ALG6: variants seen among roughly 807,000 people sequenced by gnomAD.
ALG6 encodes dolichyl pyrophosphate Man9GlcNAc2 alpha-1,3-glucosyltransferase.
Under a neutral mutation model 66.6 loss-of-function variants are expected in ALG6, and 46 were observed. That is an observed-to-expected ratio of 0.69 (90% CI 0.55 to 0.88). The LOEUF (loss-of-function observed/expected upper bound fraction) is 0.88. Among genes scored for constraint, ALG6 ranks in the 40% least tolerant of loss-of-function variants. The probability of loss-of-function intolerance (pLI) is 0.00; values close to 1 mark genes in which losing one functional copy is unlikely to be tolerated. For synonymous variants in ALG6, 185 were observed against 203.7 expected, an observed-to-expected ratio of 0.91 and a Z score of 0.78; for missense variants, 505 against 586.8, an observed-to-expected ratio of 0.86 and a Z score of 1.44.
At chr1:63,377,142 A>G (rs760053621) in intron 2 of ALG6, among the ~76,000 whole-genome samples, 1 of 151,876 alleles carries the variant, frequency 6.6e-6, no homozygotes, top group Non-Finnish European at 1.5e-5. Flanking sequence ...TTGCATTTTT[A>G]GTAGAGACGG....
chr1:63,435,758 G>A (rs545794958), intron 14 of ALG6, among the ~76,000 whole-genome samples: 25 of 151,196 alleles, frequency 1.7e-4, no homozygotes, highest in Non-Finnish European at 2.8e-4. Flanking sequence ...TAAAAATTCT[G>A]TTCCTCAGTC....
chr1:63,368,961 C>T (rs551433429), intron 1 of ALG6, among the ~76,000 whole-genome samples: 1 of 152,112 alleles, frequency 6.6e-6, no homozygotes, highest in Non-Finnish European at 1.5e-5. Context: ...CTCTGGGCAC[C>T]CCTCCCAACC....
intron 12 of ALG6, among the ~76,000 whole-genome samples, chr1:63,419,682 T>C (rs1443411066): frequency 2.0e-5 from 3 of 152,232 alleles, no homozygotes; most frequent in African/African-American, 7.2e-5. Flanking sequence ...CCTTCACTTA[T>C]ATTTTCTACA....
intron 5 of ALG6, 148 bp downstream of exon 5, chr1:63,404,689 T>C: frequency 1.4e-6 from 1 of 708,378 alleles, no homozygotes; most frequent in South Asian, 1.7e-5. Context: ...TTTGTATACA[T>C]GATCCAAGAC....
intron 3 of ALG6, among the ~76,000 whole-genome samples, chr1:63,398,906 C>T (rs1328939979): frequency 6.6e-6 from 1 of 152,076 alleles, no homozygotes; most frequent in Non-Finnish European, 1.5e-5. Context: ...TAATGAATGA[C>T]CTCAAATGCT....
chr1:63,417,331 A>G (rs900948147), intron 11 of ALG6, among the ~76,000 whole-genome samples: 2 of 152,228 alleles, frequency 1.3e-5, no homozygotes, highest in African/African-American at 4.8e-5. Context: ...AGTGTTAGAG[A>G]TGATTACTTT....
chr1:63,437,062 T>C lies in ALG6; in HGVS notation c.*42T>C, dbSNP rs1215051373. On this transcript the variant is annotated 3_prime_UTR_variant, in exon 15 of 15. Transcript: ENST00000263440. ...ATTGTTTCCTAAACAAATGTGAAAA[T>C]GTGAACAGTGCTGAAAGGTTTTGTG... The C allele has an allele frequency of 1.9e-6, 3 of 1,561,566 alleles. No individual in the cohort carries two copies. The highest frequency in any genetic ancestry group is 2.6e-6 in the Non-Finnish European group (3 of 1,138,130).
At position 63,404,499 on chromosome 1, in the gene ALG6, G is replaced by A; in HGVS notation, c.304G>A (p.Gly102Arg). The A allele has an allele frequency of 6.2e-7, 1 of 1,613,696 alleles. No individual in the cohort carries two copies. The highest frequency in any genetic ancestry group is 8.5e-7 in the Non-Finnish European group (1 of 1,179,724). Residue 102 changes from glycine to arginine, a missense_variant, in exon 5 of 15, where the codon GGA (glycine) becomes AGA (arginine). Coordinates refer to ENST00000263440, the MANE Select transcript of ALG6 (RefSeq NM_013339.4). ...PDWIALHTSR[G>R]YESQAHKLFM... ...CTGGATTGCTCTCCATACATCACGT[G>A]GATATGAGAGTCAGGCACATAAGCT...
At chr1:63,422,225 A>C (rs11208210) in intron 12 of ALG6, among the ~76,000 whole-genome samples, 62 of 71,548 alleles carry the variant, frequency 8.7e-4, no homozygotes, top group Middle Eastern at 9.1e-3. Flanking sequence ...ATATTTATAT[A>C]AATATAAATA....
At chr1:63,371,199 A>G (rs1243552602) in intron 2 of ALG6, 140 bp downstream of exon 2, 2 of 652,256 alleles carry the variant, frequency 3.1e-6, no homozygotes, top group Non-Finnish European at 5.4e-6. Context: ...ATACATTTAA[A>G]TGTCCAGTTC....
In ALG6 at chr1:63,388,806, T is replaced by C. The variant is rs541526013; in HGVS notation, c.83-7707T>C. Among the ~76,000 whole-genome samples the C allele has an allele frequency of 4.6e-5, 7 of 152,202 alleles. No individual in the cohort carries two copies. The East Asian group carries it at 7.7e-4, about 17-fold the overall frequency. ...TTTTGTCTGGGAAAATCTTTATATCTCCTTCATGTTTGACAGGTATTTTTG... is the reference window on the plus strand; with the variant it reads ...TTTTGTCTGGGAAAATCTTTATATCCCCTTCATGTTTGACAGGTATTTTTG... On this transcript the variant is annotated intron_variant, in intron 2 of 14. Transcript: ENST00000263440.
chr1:63,419,046 T>C (rs1644560107), intron 11 of ALG6, among the ~76,000 whole-genome samples: 2 of 152,194 alleles, frequency 1.3e-5, no homozygotes, highest in South Asian at 2.1e-4. Flanking sequence ...TGGTTTTAAA[T>C]TTAAGTTGTC....
At chr1:63,381,306 T>C (rs1281411764) in intron 2 of ALG6, among the ~76,000 whole-genome samples, 1 of 152,072 alleles carries the variant, frequency 6.6e-6, no homozygotes, top group East Asian at 1.9e-4. Flanking sequence ...TACAAAAAAT[T>C]AGCTGTGCGT....
At chr1:63,427,282 C>T (rs546526033) in intron 12 of ALG6, among the ~76,000 whole-genome samples, 2 of 150,178 alleles carry the variant, frequency 1.3e-5, no homozygotes, top group Non-Finnish European at 1.5e-5. Context: ...CAAAGTGCTG[C>T]GATTACAGGT....
chr1:63,409,188 G>A (rs1269144666), intron 7 of ALG6, among the ~76,000 whole-genome samples: 1 of 152,184 alleles, frequency 6.6e-6, no homozygotes, highest in Non-Finnish European at 1.5e-5. Flanking sequence ...ATTAATATTT[G>A]TAAAGCACTT....
chr1:63,377,128 A>C (rs753072738), intron 2 of ALG6, among the ~76,000 whole-genome samples: 64 of 151,956 alleles, frequency 4.2e-4, no homozygotes, highest in South Asian at 1.5e-3. Flanking sequence ...CACCCAGCTA[A>C]TTTTTGCATT....
intron 7 of ALG6, among the ~76,000 whole-genome samples, chr1:63,408,585 A>G (rs1644501505): frequency 6.6e-6 from 1 of 152,126 alleles, no homozygotes; most frequent in South Asian, 2.1e-4. Flanking sequence ...AGATAATCCC[A>G]AGTTGTTTTT....
chr1:63,389,280 T>C (rs888756598), intron 2 of ALG6, among the ~76,000 whole-genome samples: 1 of 152,184 alleles, frequency 6.6e-6, no homozygotes, highest in Non-Finnish European at 1.5e-5. Context: ...CTTATTTTTC[T>C]TTAGTTTCCA....
chr1:63,409,344 C>T (rs6588029), intron 7 of ALG6, among the ~76,000 whole-genome samples: 152,298 of 152,298 alleles, frequency 1, 76,149 homozygotes, highest in Non-Finnish European at 1. Flanking sequence ...ATATCCAAAC[C>T]GTATATGGGT....
Sources: gnomAD v4.1 joint callset for allele counts (sites outside exome capture counted in the v4.1 genomes callset) on GRCh38, gnomAD v4.1.1 for gene constraint, MANE v1.5 for transcripts, NCBI Gene and HGNC (gene_info 2026-07-23, HGNC 2026-07-21) for gene names.